CLYBL: variants seen among roughly 807,000 people sequenced by gnomAD.
CLYBL encodes citramalyl-CoA lyase.
A neutral mutation model predicts 38.9 loss-of-function variants in CLYBL; 31 were observed. That is an observed-to-expected ratio of 0.80 (90% confidence interval 0.60 to 1.08). The LOEUF is 1.08. Among genes scored for constraint, CLYBL ranks in the 50% least tolerant of loss-of-function variants. The probability of loss-of-function intolerance (pLI) is 0.00; values close to 1 mark genes in which losing one functional copy is unlikely to be tolerated. For missense variants in CLYBL, 434 were observed against 411.6 expected, an observed-to-expected ratio of 1.05 and a Z score of -0.47; for synonymous variants, 171 against 158.6, an observed-to-expected ratio of 1.08 and a Z score of -0.59.
intron 1 of CLYBL, among the ~76,000 whole-genome samples, chr13:99,743,966 C>CTTTTTTT (rs1162079530): frequency 6.3e-3 from 437 of 69,140 alleles, no homozygotes; most frequent in South Asian, 8.2e-3. Flanking sequence ...TCTCTTCTTT[C>CTTTTTTT]TTTTTTTTTT....
intron 1 of CLYBL, among the ~76,000 whole-genome samples, chr13:99,725,917 G>A (rs957462659): frequency 6.6e-6 from 1 of 152,148 alleles, no homozygotes; most frequent in East Asian, 1.9e-4. Flanking sequence ...AAGGCAACAG[G>A]TTAAAAGTCC....
chr13:99,880,411 C>T (rs912767766), intron 7 of CLYBL, among the ~76,000 whole-genome samples: 2 of 152,086 alleles, frequency 1.3e-5, no homozygotes, highest in Non-Finnish European at 2.9e-5. Flanking sequence ...CCTACAGGGG[C>T]GATATTATCC....
chr13:99,699,563 C>A (rs549170276), intron 1 of CLYBL, among the ~76,000 whole-genome samples: 1 of 150,184 alleles, frequency 6.7e-6, no homozygotes, highest in East Asian at 2.0e-4. Flanking sequence ...CATGGTGGCA[C>A]GCGCCTGTAA....
chr13:99,762,759 G>A (rs573223341), intron 1 of CLYBL, among the ~76,000 whole-genome samples: 316 of 152,274 alleles, frequency 2.1e-3, no homozygotes, highest in Middle Eastern at 3.4e-3. Flanking sequence ...GCTTTAAGTA[G>A]TCTTGTCATT....
intron 2 of CLYBL, among the ~76,000 whole-genome samples, chr13:99,846,747 A>G (rs993804600): frequency 2.6e-5 from 4 of 152,184 alleles, no homozygotes; most frequent in Non-Finnish European, 4.4e-5. Flanking sequence ...ACTTCTGTGG[A>G]TAAACTTTAT....
chr13:99,745,410 G>T (rs780377650), intron 1 of CLYBL, among the ~76,000 whole-genome samples: 1 of 152,102 alleles, frequency 6.6e-6, no homozygotes, highest in East Asian at 1.9e-4. Context: ...AAAGGGGAAA[G>T]AAACTGTTTT....
At chr13:99,796,038 GA>G (rs1205320355) in intron 2 of CLYBL, among the ~76,000 whole-genome samples, 1 of 152,098 alleles carries the variant, frequency 6.6e-6, no homozygotes, top group African/African-American at 2.4e-5. Flanking sequence ...CCAGTAAGTG[GA>G]AAAAAACTGT....
intron 1 of CLYBL, among the ~76,000 whole-genome samples, chr13:99,670,028 A>C (rs2139359664): frequency 1.8e-5 from 1 of 54,528 alleles, no homozygotes; most frequent in African/African-American, 5.9e-5. Flanking sequence ...CCCCGTCTCT[A>C]TTAAAAAAAA....
At chr13:99,666,040 A>C (rs1566603508) in intron 1 of CLYBL, among the ~76,000 whole-genome samples, 1 of 152,134 alleles carries the variant, frequency 6.6e-6, no homozygotes, top group Non-Finnish European at 1.5e-5. Flanking sequence ...TTTCACTTGG[A>C]GGAGCTCAGG....
In CLYBL at chr13:99,793,898, A is replaced by G. The variant is rs899448308; in HGVS notation, c.249+20888A>G. Among the ~76,000 whole-genome samples the G allele has an allele frequency of 1.4e-4, 22 of 152,012 alleles. 1 individual carries two copies. The highest frequency in any genetic ancestry group is 3.3e-4 in the Admixed American group (5 of 15,274). On this transcript the variant is annotated intron_variant, in intron 2 of 8. Transcript: ENST00000339105. ...CTCAAAATTAAGATTAAAAAAAAAA[A>G]AAAGAAAGAAAATGCAGCTTAAATG...
intron 1 of CLYBL, among the ~76,000 whole-genome samples, chr13:99,636,544 C>A: frequency 6.6e-6 from 1 of 152,102 alleles, no homozygotes; most frequent in East Asian, 1.9e-4. Flanking sequence ...AGCTGGGACA[C>A]CTGCTCCCCA....
intron 1 of CLYBL, among the ~76,000 whole-genome samples, chr13:99,617,803 C>T (rs1203168865): frequency 6.6e-6 from 1 of 152,208 alleles, no homozygotes; most frequent in Non-Finnish European, 1.5e-5. Context: ...CCTCCTCTCT[C>T]CCTAGCCTGT....
At chr13:99,615,087 A>C (rs917607237) in intron 1 of CLYBL, among the ~76,000 whole-genome samples, 1 of 152,242 alleles carries the variant, frequency 6.6e-6, no homozygotes, top group Admixed American at 6.5e-5. Flanking sequence ...CTCAAAGGTG[A>C]GGACATAGAC....
At chr13:99,816,318 A>G (rs1179143500) in intron 2 of CLYBL, among the ~76,000 whole-genome samples, 2 of 152,256 alleles carry the variant, frequency 1.3e-5, no homozygotes, top group Non-Finnish European at 2.9e-5. Context: ...CAAGATGCTG[A>G]AGCTTACCAC....
chr13:99,834,191 G>A (rs2050883759), intron 2 of CLYBL, among the ~76,000 whole-genome samples: 1 of 152,138 alleles, frequency 6.6e-6, no homozygotes, highest in Admixed American at 6.5e-5. Flanking sequence ...AGGACTGGGA[G>A]ACCCCTCAGG....
At chr13:99,719,999 T>G (rs919357853) in intron 1 of CLYBL, among the ~76,000 whole-genome samples, 4 of 152,170 alleles carry the variant, frequency 2.6e-5, no homozygotes, top group African/African-American at 9.6e-5. Context: ...TAATCAAATT[T>G]GGTTTTACTA....
intron 2 of CLYBL, among the ~76,000 whole-genome samples, chr13:99,784,447 CTCTTTTTTTTT>C (rs2049735521): frequency 2.0e-5 from 2 of 99,436 alleles, no homozygotes; most frequent in Non-Finnish European, 2.3e-5. Flanking sequence ...GGAAAATTCT[CTCTTTTTTTTT>C]TTTTTTTTTT....
chr13:99,671,807 A>G (rs1287376473), intron 1 of CLYBL, among the ~76,000 whole-genome samples: 1 of 151,330 alleles, frequency 6.6e-6, no homozygotes, highest in Non-Finnish European at 1.5e-5. Flanking sequence ...AATAAAAGCT[A>G]CTGCAAAAGT....
In CLYBL at chr13:99,705,700, T is replaced by G. The variant is rs187498212; in HGVS notation, c.63-67124T>G. On this transcript the variant is annotated intron_variant, in intron 1 of 8. Coordinates refer to ENST00000339105, the MANE Select transcript of CLYBL (RefSeq NM_206808.5). ...TTGTACTTATATGAGGTACCTAGAG[T>G]AGTCAAATTCACAGCACAGAAATGC... is the stretch of plus-strand genomic sequence containing the variant. 1.1e-3 allele frequency among the ~76,000 whole-genome samples: 163 copies of G among 151,222 alleles called. 1 individual carries two copies. In the Middle Eastern group the frequency reaches 0.017, roughly 16 times the overall value.
Sources: gnomAD v4.1 joint callset for allele counts (sites outside exome capture counted in the v4.1 genomes callset) on GRCh38, gnomAD v4.1.1 for gene constraint, MANE v1.5 for transcripts, NCBI Gene and HGNC (gene_info 2026-07-23, HGNC 2026-07-21) for gene names.